CCNK: variants seen among roughly 807,000 people sequenced by gnomAD.
CCNK encodes the protein cyclin K, also known as cyclin-K.
A neutral mutation model predicts 65.0 loss-of-function variants in CCNK; 9 were observed. The ratio of observed to expected loss-of-function variants is 0.14; its 90% CI spans 0.08 to 0.24. The LOEUF (loss-of-function observed/expected upper bound fraction) is 0.24, where lower values mean the gene tolerates loss of function less well. CCNK is among the 10% of genes least tolerant of loss of function. CCNK has a pLI of 1.00. For missense variants in CCNK, 474 were observed against 720.0 expected, an observed-to-expected ratio of 0.66 and a Z score of 3.91; for synonymous variants, 279 against 270.8, an observed-to-expected ratio of 1.03 and a Z score of -0.30.
At chr14:99,507,895 A>G (rs1390756256) in intron 10 of CCNK, 2 of 152,268 alleles carry the variant, frequency 1.3e-5, no homozygotes, top group Non-Finnish European at 2.9e-5. Context: ...ACCGCTGGCA[A>G]TAGAGGAGAA....
intron 4 of CCNK, 121 bp downstream of exon 4, chr14:99,495,750 G>T: frequency 1.2e-6 from 1 of 827,462 alleles, no homozygotes; most frequent in Non-Finnish European, 1.8e-6. Context: ...TTCCTAAGAG[G>T]GCCTTCTGTA....
At chr14:99,489,289 T>C (rs1187487229) in intron 1 of CCNK, among the ~76,000 whole-genome samples, 1 of 152,228 alleles carries the variant, frequency 6.6e-6, no homozygotes, top group African/African-American at 2.4e-5. Flanking sequence ...ACATATTTGC[T>C]TTATTCCACA....
At chr14:99,482,589 GT>G (rs560663638) in intron 1 of CCNK, among the ~76,000 whole-genome samples, 6 of 152,056 alleles carry the variant, frequency 3.9e-5, no homozygotes, top group African/African-American at 9.7e-5. Flanking sequence ...GTCTTTTAGG[GT>G]TTTTTTCCCT....
rs749455377 is a variant in CCNK, at chr14:99,502,394, C to T, written c.745+18C>T. Reference sequence around the variant, plus strand: ...TTTGGAAGGTACCAGGCATGCTAAGCGTTCTCGTGAGGGTGTTCCATGTTG... The same window carrying T: ...TTTGGAAGGTACCAGGCATGCTAAGTGTTCTCGTGAGGGTGTTCCATGTTG... On this transcript the variant is annotated intron_variant, in intron 7 of 10. Coordinates refer to ENST00000389879, the MANE Select transcript of CCNK (RefSeq NM_001099402.2). The T allele has an allele frequency of 5.0e-6, 8 of 1,610,658 alleles. No individual in the cohort carries two copies. The highest frequency in any genetic ancestry group is 3.3e-5 in the South Asian group (3 of 90,514).
Position 99,501,384 on chromosome 14 carries a change from T to G in CCNK, c.546T>G (p.Val182=), listed in dbSNP as rs371238020. The change falls in exon 6 of 11, where the codon GTT becomes GTG. Residue 182 remains valine, a synonymous_variant. Transcript: ENST00000389879. ...KGDKNKIQKL[V]QMAWTFVNDS... ...ATAAAAACAAAATTCAAAAGTTGGTTCAAATGGCATGGACATTTGTAAATG... is the reference window on the plus strand; with the variant it reads ...ATAAAAACAAAATTCAAAAGTTGGTGCAAATGGCATGGACATTTGTAAATG... 1.1e-5 allele frequency: 18 copies of G among 1,607,146 alleles called. No homozygotes were observed. The highest frequency in any genetic ancestry group is 1.5e-5 in the Non-Finnish European group (18 of 1,175,426).
rs1449790891 is a variant in CCNK, at chr14:99,502,614, T to C, written c.746-105T>C. 4 of 1,252,354 alleles carry C rather than the reference T, an allele frequency of 3.2e-6. No homozygotes were observed. In the Admixed American group the frequency reaches 8.7e-5, roughly 27 times the overall value. 77.6% of individuals were successfully genotyped at this position (1,252,354 alleles called of 1,614,324 possible). Reference sequence around the variant, plus strand: ...AGATGGGGTGAGTTGTAAATGTGATTCATGCTTAGGTCCTCGTAGGGGTAT... The same window carrying C: ...AGATGGGGTGAGTTGTAAATGTGATCCATGCTTAGGTCCTCGTAGGGGTAT... On this transcript the variant is annotated intron_variant, in intron 7 of 10. Coordinates refer to ENST00000389879, the MANE Select transcript of CCNK (RefSeq NM_001099402.2).
intron 1 of CCNK, among the ~76,000 whole-genome samples, chr14:99,484,753 T>C (rs1362605924): frequency 6.6e-6 from 1 of 152,226 alleles, no homozygotes; most frequent in African/African-American, 2.4e-5. Flanking sequence ...TGAGGTTTCA[T>C]TGATAAGTGG....
chr14:99,493,438 C>T, intron 2 of CCNK, 76 bp from the exon 3 acceptor site: 3 of 848,026 alleles, frequency 3.5e-6, no homozygotes, highest in Non-Finnish European at 5.6e-6. Context: ...TGTTGTTTGT[C>T]TTTTTGTTTT....
chr14:99,508,885 G>C (rs1897042042), intron 10 of CCNK: 2 of 152,312 alleles, frequency 1.3e-5, no homozygotes, highest in African/African-American at 2.4e-5. Context: ...GGCATTGAAG[G>C]GTGTCAGCAC....
At chr14:99,492,398 G>C (rs192594498) in intron 1 of CCNK, 10 of 342,512 alleles carry the variant, frequency 2.9e-5, no homozygotes, top group Admixed American at 2.5e-4. Flanking sequence ...GGAGGAAATA[G>C]TCTTATTTTT....
At chr14:99,490,460 A>G (rs1896574425) in intron 1 of CCNK, among the ~76,000 whole-genome samples, 1 of 152,234 alleles carries the variant, frequency 6.6e-6, no homozygotes. Flanking sequence ...AAACTCATCT[A>G]TCTTTACAGC....
rs1897120865 is a variant in CCNK, at chr14:99,511,126, A to C, written c.*344A>C. Reference sequence around the variant, plus strand: ...TTCGGTAAGGAGTTAATTTCCTTCTAGAAATCAGTGCCTATTTTTCCTGGA... The same window carrying C: ...TTCGGTAAGGAGTTAATTTCCTTCTCGAAATCAGTGCCTATTTTTCCTGGA... On this transcript the variant is annotated 3_prime_UTR_variant, in exon 11 of 11. Transcript: ENST00000389879. The C allele has an allele frequency of 5.5e-6, 1 of 182,364 alleles. No individual in the cohort carries two copies. Among genetic ancestry groups the C allele is most frequent in the Non-Finnish European group, 1.1e-5 (1 of 88,064 alleles). 11.3% of individuals were successfully genotyped at this position (182,364 alleles called of 1,614,324 possible).
chr14:99,500,028 A>G (rs982678281), intron 4 of CCNK, among the ~76,000 whole-genome samples: 24 of 152,220 alleles, frequency 1.6e-4, no homozygotes, highest in African/African-American at 5.8e-4. Context: ...TACTGGAGCT[A>G]TTGTATCCCA....
intron 3 of CCNK, 69 bp downstream of exon 3, chr14:99,493,664 T>C (rs1354614678): frequency 3.0e-6 from 3 of 1,014,180 alleles, no homozygotes; most frequent in Middle Eastern, 2.2e-4. Flanking sequence ...GGTGGACTAA[T>C]TATAAGCTCT....
intron 6 of CCNK, chr14:99,502,001 G>T: frequency 2.1e-6 from 1 of 476,932 alleles, no homozygotes; most frequent in Non-Finnish European, 3.5e-6. Context: ...ATTCTTTAAG[G>T]AATAGAGAAA....
chr14:99,503,146 A>G, intron 8 of CCNK, 162 bp downstream of exon 8: 2 of 807,942 alleles, frequency 2.5e-6, no homozygotes, highest in Non-Finnish European at 4.2e-6. Context: ...CCTGAAAACA[A>G]AGGTGCTCCA....
rs1047100696 is a variant in CCNK at position 99,499,559 on chromosome 14, C to T, written c.412-1207C>T. On this transcript the variant is annotated intron_variant, in intron 4 of 10. Coordinates refer to ENST00000389879, the MANE Select transcript of CCNK (RefSeq NM_001099402.2). ...TGATGAGATTTACAGTCCTCTACAA[C>T]GCCCTGTCTTTGATGCCAAACAAGG... 6.6e-5 allele frequency among the ~76,000 whole-genome samples: 10 copies of T among 152,182 alleles called. No individual in the cohort carries two copies. The South Asian group carries it at 1.2e-3, about 19-fold the overall frequency.
intron 4 of CCNK, chr14:99,500,419 G>A: frequency 5.0e-6 from 1 of 198,710 alleles, no homozygotes; most frequent in Admixed American, 5.5e-5. Flanking sequence ...TAAAATTTGA[G>A]GTCTTGAAAG....
At chr14:99,484,211 G>A (rs1896426681) in intron 1 of CCNK, among the ~76,000 whole-genome samples, 1 of 152,230 alleles carries the variant, frequency 6.6e-6, no homozygotes, top group African/African-American at 2.4e-5. Flanking sequence ...TTGTGATGCT[G>A]CTTGCTAGCT....
Sources: gnomAD v4.1 joint callset for allele counts (sites outside exome capture counted in the v4.1 genomes callset) on GRCh38, gnomAD v4.1.1 for gene constraint, MANE v1.5 for transcripts, NCBI Gene and HGNC (gene_info 2026-07-23, HGNC 2026-07-21) for gene names.